The following ACOT11 variants were observed in gnomAD, a reference collection of about 807,000 sequenced individuals.
The protein encoded by ACOT11 is acyl-coenzyme A thioesterase 11.
A neutral mutation model predicts 77.5 loss-of-function variants in ACOT11; 69 were observed. That is an observed-to-expected ratio of 0.89 (90% CI 0.73 to 1.09). The LOEUF (loss-of-function observed/expected upper bound fraction) is 1.09, where lower values mean the gene tolerates loss of function less well. Ranked by LOEUF, ACOT11 falls within the 50% of genes least tolerant of loss-of-function variation. The pLI, the probability that ACOT11 is intolerant of heterozygous loss-of-function variation, is 0.00. For missense variants in ACOT11, 766 were observed against 813.7 expected (o/e 0.94, Z 0.71); for synonymous variants, 279 against 313.0 (o/e 0.89, Z 1.15).
chr1:54,600,440 T>G (rs1170206192), intron 8 of ACOT11, among the ~76,000 whole-genome samples: 1 of 152,192 alleles, frequency 6.6e-6, no homozygotes, highest in Admixed American at 6.5e-5. Flanking sequence ...CCCAGCACTT[T>G]GGGAGGCCGA....
downstream of ACOT11, among the ~76,000 whole-genome samples, chr1:54,614,530 G>A (rs528812263): frequency 6.6e-6 from 1 of 152,096 alleles, no homozygotes; most frequent in Admixed American, 6.5e-5. Context: ...TGTCAGAAAA[G>A]GGGGGAAAGG....
chr1:54,567,526 G>A (rs910947203), intron 1 of ACOT11, among the ~76,000 whole-genome samples: 2 of 151,984 alleles, frequency 1.3e-5, no homozygotes, highest in African/African-American at 2.4e-5. Flanking sequence ...TGATCCACCC[G>A]CCTCAGCCTC....
chr1:54,566,371 C>T (rs1335885388), intron 1 of ACOT11, among the ~76,000 whole-genome samples: 1 of 151,020 alleles, frequency 6.6e-6, no homozygotes. Flanking sequence ...GCACGAGAAT[C>T]GCTAGAACCC....
chr1:54,571,088 A>T (rs1398320143), intron 1 of ACOT11, among the ~76,000 whole-genome samples: 8 of 130,754 alleles, frequency 6.1e-5, no homozygotes, highest in Admixed American at 7.2e-5. Context: ...TTTTTTTTTT[A>T]AAGAGACAGG....
chr1:54,588,407 G>T (rs748891563), intron 3 of ACOT11, among the ~76,000 whole-genome samples: 3 of 152,116 alleles, frequency 2.0e-5, no homozygotes, highest in Non-Finnish European at 4.4e-5. Context: ...ATAGCTATTA[G>T]TATCCTTATT....
chr1:54,612,739 A>G (rs377413604), downstream of ACOT11: 8 of 1,578,402 alleles, frequency 5.1e-6, no homozygotes, highest in African/African-American at 9.4e-5. Flanking sequence ...TGTTGGTCTC[A>G]CGGAGCTGCA....
intron 1 of ACOT11, among the ~76,000 whole-genome samples, chr1:54,567,432 C>G (rs437807): frequency 0.051 from 7,745 of 152,010 alleles, 677 homozygotes; most frequent in African/African-American, 0.17. Flanking sequence ...GCACCTACCA[C>G]CACACCCAGC....
intron 1 of ACOT11, among the ~76,000 whole-genome samples, chr1:54,553,834 G>A (rs1467228896): frequency 6.6e-6 from 1 of 152,144 alleles, no homozygotes; most frequent in Non-Finnish European, 1.5e-5. Context: ...ATGTCTGAGT[G>A]AGGTCATGTA....
At chr1:54,553,451 G>A (rs1653142184) in intron 1 of ACOT11, among the ~76,000 whole-genome samples, 1 of 150,178 alleles carries the variant, frequency 6.7e-6, no homozygotes, top group Non-Finnish European at 1.5e-5. Flanking sequence ...CTGGGTGACC[G>A]AACAAGACTC....
chr1:54,566,773 C>T (rs959550341), intron 1 of ACOT11, among the ~76,000 whole-genome samples: 8 of 152,156 alleles, frequency 5.3e-5, no homozygotes, highest in African/African-American at 1.9e-4. Context: ...TTAGCTGGGA[C>T]TGTCATTTGG....
In ACOT11 at chr1:54,609,289, C is replaced by T; in HGVS notation, c.*177C>T. 1 of 1,607,072 alleles carries T rather than the reference C, an allele frequency of 6.2e-7. No homozygotes were observed. Among genetic ancestry groups the T allele is most frequent in the South Asian group, 1.1e-5 (1 of 90,570 alleles). ...GTGCTCAGTTTCTACCAACATGAGCCAGCAAGTCCTTGTGGTAGCCCTGGG... is the reference window on the plus strand; with the variant it reads ...GTGCTCAGTTTCTACCAACATGAGCTAGCAAGTCCTTGTGGTAGCCCTGGG... On this transcript the variant is annotated 3_prime_UTR_variant, in exon 16 of 16. Transcript: ENST00000343744.
rs193006212 is a variant in ACOT11, at chr1:54,571,679, C to T, written c.34-12976C>T. On this transcript the variant is annotated intron_variant, in intron 1 of 15. Coordinates refer to ENST00000343744, the MANE Select transcript of ACOT11 (RefSeq NM_147161.4). ...TCACAGCTCCTCTCCCACCTCTCTGCTCCGCTCAGGAATGTTTTCTTGAAC... is the reference window on the plus strand; with the variant it reads ...TCACAGCTCCTCTCCCACCTCTCTGTTCCGCTCAGGAATGTTTTCTTGAAC... Among the ~76,000 whole-genome samples, 456 of 152,314 alleles carry T rather than the reference C, an allele frequency of 3.0e-3. 1 individual carries two copies. Among genetic ancestry groups the T allele is most frequent in the African/African-American group, 9.9e-3 (411 of 41,564 alleles).
rs1025008109 is a variant in ACOT11 at position 54,628,237 on chromosome 1, C to T, written c.1630-2497C>T. 3.7e-5 allele frequency: 5 copies of T among 134,242 alleles called. 2 individuals are homozygous for T. The highest frequency in any genetic ancestry group is 5.1e-5 in the Non-Finnish European group (3 of 59,306). 8.3% of individuals were successfully genotyped at this position (134,242 alleles called of 1,614,324 possible). ...AAATGGCCCAGGGAAGTGTGTGCCT[C>T]AGGCTGTGTTATGTGGGTTACTCTG... On this transcript the variant is annotated intron_variant, in intron 15 of 16. Transcript: ENST00000371316.
intron 3 of ACOT11, 100 bp downstream of exon 3, chr1:54,586,004 G>C: frequency 4.7e-6 from 6 of 1,277,586 alleles, no homozygotes; most frequent in East Asian, 2.5e-5. Flanking sequence ...GTGCTGCCTA[G>C]AGCCTGACTC....
chr1:54,624,819 G>A (rs1644262066), intron 15 of ACOT11, among the ~76,000 whole-genome samples: 2 of 152,140 alleles, frequency 1.3e-5, no homozygotes, highest in African/African-American at 4.8e-5. Context: ...GAGGCTGAAG[G>A]TACAGGAGGG....
chr1:54,548,897 C>T (rs753538902), intron 1 of ACOT11, among the ~76,000 whole-genome samples: 14 of 152,102 alleles, frequency 9.2e-5, no homozygotes, highest in East Asian at 3.9e-4. Context: ...CTTTTCCCTG[C>T]GCTTTGGAGC....
chr1:54,553,055 G>A (rs554422953), intron 1 of ACOT11, among the ~76,000 whole-genome samples: 1 of 150,552 alleles, frequency 6.6e-6, no homozygotes, highest in African/African-American at 2.4e-5. Flanking sequence ...TCGAACTTCC[G>A]ACCTCAGGTG....
intron 1 of ACOT11, among the ~76,000 whole-genome samples, chr1:54,576,947 A>G (rs116097493): frequency 0.013 from 1,979 of 152,304 alleles, 32 homozygotes; most frequent in East Asian, 0.038. Context: ...CCAGACATCT[A>G]ATAATAAAAC....
chr1:54,606,226 G>T (rs893774129), intron 13 of ACOT11, among the ~76,000 whole-genome samples: 1 of 152,150 alleles, frequency 6.6e-6, no homozygotes, highest in African/African-American at 2.4e-5. Context: ...TGTCGTGTAG[G>T]GGGAGGGCGG....
Sources: allele counts gnomAD v4.1 joint callset (sites outside exome capture counted in the v4.1 genomes callset), GRCh38; gene constraint gnomAD v4.1.1; transcripts MANE v1.5; gene names NCBI Gene and HGNC (gene_info 2026-07-23, HGNC 2026-07-21).